Variants in ANKRD13A observed in about 807,000 individuals in gnomAD.
ANKRD13A encodes the protein ankyrin repeat domain 13A, also known as ankyrin repeat domain-containing protein 13A.
A neutral mutation model predicts 81.3 loss-of-function variants in ANKRD13A; 48 were observed. That is an observed-to-expected ratio of 0.59 (90% CI 0.47 to 0.75). The LOEUF (loss-of-function observed/expected upper bound fraction) is 0.75. ANKRD13A is among the 30% of genes least tolerant of loss of function. ANKRD13A has a pLI of 0.00. For missense variants in ANKRD13A, 612 were observed against 734.0 expected (o/e 0.83, Z 1.92); for synonymous variants, 230 against 270.1 (o/e 0.85, Z 1.45).
intron 12 of ANKRD13A, among the ~76,000 whole-genome samples, chr12:110,031,489 T>C (rs118048073): frequency 0.052 from 7,868 of 152,168 alleles, 290 homozygotes; most frequent in East Asian, 0.11. Flanking sequence ...TAGCTGGGAA[T>C]ACAGGTGCGT....
At chr12:110,006,387 C>T (rs1355891896) in intron 1 of ANKRD13A, among the ~76,000 whole-genome samples, 3 of 152,076 alleles carry the variant, frequency 2.0e-5, no homozygotes, top group Non-Finnish European at 4.4e-5. Flanking sequence ...GGTTTTGATT[C>T]GCATTTCTCT....
chr12:110,035,288 A>G (rs1393326886), intron 13 of ANKRD13A, among the ~76,000 whole-genome samples: 2 of 152,128 alleles, frequency 1.3e-5, no homozygotes, highest in Non-Finnish European at 2.9e-5. Flanking sequence ...CCAGTATTGA[A>G]TTGTGTCTTC....
At chr12:110,025,965 T>TC (rs1491284510) in intron 8 of ANKRD13A, 142 bp downstream of exon 8, 51 of 166,698 alleles carry the variant, frequency 3.1e-4, no homozygotes, top group East Asian at 2.1e-3. Context: ...TCTCTCTCTC[T>TC]TTTTTTTTTT....
intron 3 of ANKRD13A, among the ~76,000 whole-genome samples, chr12:110,014,258 A>G (rs1026293698): frequency 1.3e-4 from 19 of 151,962 alleles, no homozygotes; most frequent in Non-Finnish European, 2.5e-4. Flanking sequence ...TAAAAATACA[A>G]AAAATTAGCC....
In ANKRD13A at chr12:110,013,155, C is replaced by T; in HGVS notation, c.260C>T (p.Pro87Leu). The T allele has an allele frequency of 1.2e-6, 2 of 1,614,154 alleles. No homozygotes were observed. The highest frequency in any genetic ancestry group is 2.2e-5 in the South Asian group (2 of 91,084). The change falls in exon 3 of 15, where the codon CCT (proline) becomes CTT (leucine). Residue 87 changes from proline (P) to leucine (L), a missense_variant. Physicochemically the swap from Pro to Leu is moderately conservative, Grantham distance 98. Transcript: ENST00000261739. Reference sequence around the variant, plus strand: ...CATGAGGCTGTGAGCACTGGCGATCCTGAGATGGTGTACACAGTTCTCCAA... The same window carrying T: ...CATGAGGCTGTGAGCACTGGCGATCTTGAGATGGTGTACACAGTTCTCCAA... The part of the protein sequence containing the change: ...VLHEAVSTGD[P>L]EMVYTVLQHR...
At chr12:110,017,124 G>A (rs181651924) in intron 4 of ANKRD13A, among the ~76,000 whole-genome samples, 7 of 152,122 alleles carry the variant, frequency 4.6e-5, no homozygotes, top group Admixed American at 3.3e-4. Flanking sequence ...TGGCCAGGCT[G>A]GTCTCGAACT....
chr12:110,019,394 T>A, intron 6 of ANKRD13A, 66 bp downstream of exon 6: 1 of 1,423,522 alleles, frequency 7.0e-7, no homozygotes, highest in Non-Finnish European at 9.4e-7. Context: ...GACATGTATG[T>A]ATTAATTGTA....
rs78337612 is a variant in ANKRD13A, at chr12:110,037,875, T to C, written c.*321T>C. 1,486 of 196,260 alleles carry C rather than the reference T, an allele frequency of 7.6e-3. 31 individuals are homozygous for C. Among genetic ancestry groups the C allele is most frequent in the African/African-American group, 0.032 (1,396 of 43,130 alleles). The allele number at this position is 196,260 out of a possible 1,614,324, so 12.2% of individuals were successfully genotyped here. On this transcript the variant is annotated 3_prime_UTR_variant, in exon 15 of 15. Transcript: ENST00000261739. ...AGACAAAACCCCAATCCCCGCAGGTTTGTAGATAAATTTTTATCAAGGAGT... is the reference window on the plus strand; with the variant it reads ...AGACAAAACCCCAATCCCCGCAGGTCTGTAGATAAATTTTTATCAAGGAGT...
chr12:110,036,437 C>A lies in ANKRD13A; in HGVS notation c.1577+109C>A. On this transcript the variant is annotated intron_variant, in intron 14 of 14. Transcript: ENST00000261739. The surrounding 1 kb of genome is among the most constrained non-coding windows in gnomAD (Gnocchi z 4.6). ...TGGTCCTCAGGCAGATGTACGGTGC[C>A]ACAAACTGGCAGGAAAGACTAGAAA... is the stretch of plus-strand genomic sequence containing the variant. 1 of 1,155,014 alleles carries A rather than the reference C, an allele frequency of 8.7e-7. No individual in the cohort carries two copies. The highest frequency in any genetic ancestry group is 1.3e-6 in the Non-Finnish European group (1 of 768,370). 71.5% of individuals were successfully genotyped at this position (1,155,014 alleles called of 1,614,324 possible). A position where few individuals can be genotyped will look rare whatever the true frequency, so the allele number is the denominator to read the frequency against.
intron 1 of ANKRD13A, among the ~76,000 whole-genome samples, chr12:110,003,067 G>A (rs1215192286): frequency 2.0e-5 from 3 of 152,194 alleles, no homozygotes; most frequent in Admixed American, 2.0e-4. Context: ...TGCTTATGTC[G>A]TTGGCCGCTT....
chr12:110,017,507 G>T (rs1229846222), intron 4 of ANKRD13A, among the ~76,000 whole-genome samples: 1 of 152,096 alleles, frequency 6.6e-6, no homozygotes, highest in African/African-American at 2.4e-5. Flanking sequence ...TCCCTTTCAG[G>T]CAAGAAGTCA....
Position 110,028,658 on chromosome 12 carries a change from C to T in ANKRD13A, c.1076+16C>T. On this transcript the variant is annotated intron_variant, in intron 10 of 14. Coordinates refer to ENST00000261739, the MANE Select transcript of ANKRD13A (RefSeq NM_033121.2). ...GAACACAGAAGTAAGAGAGGTTCAG[C>T]TGCCATTTTCAACCTATGTATGTTT... The T allele has an allele frequency of 6.2e-7, 1 of 1,614,012 alleles. No homozygotes were observed. Among genetic ancestry groups the T allele is most frequent in the Non-Finnish European group, 8.5e-7 (1 of 1,179,918 alleles).
At chr12:110,003,041 GA>G (rs1890062149) in intron 1 of ANKRD13A, among the ~76,000 whole-genome samples, 1 of 152,192 alleles carries the variant, frequency 6.6e-6, no homozygotes, top group Admixed American at 6.5e-5. Flanking sequence ...TGCTGAAGTT[GA>G]AACTGTTTGT....
chr12:110,002,596 AC>A (rs891622687), intron 1 of ANKRD13A, among the ~76,000 whole-genome samples: 1 of 152,134 alleles, frequency 6.6e-6, no homozygotes, highest in African/African-American at 2.4e-5. Flanking sequence ...AGGCTGGGAG[AC>A]AGAGCGAGGC....
At chr12:110,014,386 T>C (rs1424539588) in intron 3 of ANKRD13A, among the ~76,000 whole-genome samples, 1 of 152,186 alleles carries the variant, frequency 6.6e-6, no homozygotes, top group Non-Finnish European at 1.5e-5. Context: ...CACTCCAGCC[T>C]GGGTGACAGA....
At chr12:110,000,698 C>T (rs1351172721) in intron 1 of ANKRD13A, among the ~76,000 whole-genome samples, 1 of 151,766 alleles carries the variant, frequency 6.6e-6, no homozygotes, top group Non-Finnish European at 1.5e-5. Context: ...AAGACTTCTC[C>T]GGCCCCCAAA....
chr12:110,028,719 C>A, intron 10 of ANKRD13A, 77 bp downstream of exon 10: 1 of 1,573,512 alleles, frequency 6.4e-7, no homozygotes, highest in South Asian at 1.1e-5. Context: ...TATGTTGGAT[C>A]ATTCCACTGC....
chr12:110,024,015 G>GT, intron 6 of ANKRD13A, 31 bp from the exon 7 acceptor site: 1 of 1,602,070 alleles, frequency 6.2e-7, no homozygotes, highest in Non-Finnish European at 8.5e-7. Context: ...TATTGTACAT[G>GT]TAGAAATTTG....
intron 4 of ANKRD13A, among the ~76,000 whole-genome samples, chr12:110,016,651 T>C (rs1433282799): frequency 6.6e-6 from 1 of 152,212 alleles, no homozygotes; most frequent in African/African-American, 2.4e-5. Flanking sequence ...GCATAGGACT[T>C]TTCCTCCCAG....
Sources: allele counts gnomAD v4.1 joint callset (sites outside exome capture counted in the v4.1 genomes callset), GRCh38; gene constraint gnomAD v4.1.1; non-coding constraint Gnocchi (gnomAD v3.1); transcripts MANE v1.5; gene names NCBI Gene and HGNC (gene_info 2026-07-23, HGNC 2026-07-21).